Variants in SLC16A7 observed in about 807,000 individuals in gnomAD.
SLC16A7 encodes the protein solute carrier family 16 member 7.
In SLC16A7, 33 loss-of-function variants were observed where a neutral mutation model predicts 34.9. The observed-to-expected ratio is 0.94, with a 90% confidence interval of 0.72 to 1.26. SLC16A7 has a LOEUF of 1.26. Among genes scored for constraint, SLC16A7 ranks in the 50% most tolerant of loss-of-function variants. The pLI, the probability that SLC16A7 is intolerant of heterozygous loss-of-function variation, is 0.00. For synonymous variants in SLC16A7, 201 were observed against 206.6 expected (o/e 0.97, Z 0.23); for missense variants, 573 against 578.1 (o/e 0.99, Z 0.09).
chr12:59,624,513 G>C (rs1256204656), intron 1 of SLC16A7, among the ~76,000 whole-genome samples: 1 of 151,710 alleles, frequency 6.6e-6, no homozygotes, highest in Non-Finnish European at 1.5e-5. Flanking sequence ...GGATTAAGCT[G>C]AATTCCTAGT....
chr12:59,712,168 G>T (rs919052240), intron 3 of SLC16A7, among the ~76,000 whole-genome samples: 2 of 152,164 alleles, frequency 1.3e-5, no homozygotes, highest in Non-Finnish European at 2.9e-5. Context: ...TGTAGTTTTT[G>T]ATTCACTGCA....
At chr12:59,696,833 T>C (rs1872355462) in intron 2 of SLC16A7, among the ~76,000 whole-genome samples, 1 of 151,772 alleles carries the variant, frequency 6.6e-6, no homozygotes, top group African/African-American at 2.4e-5. Context: ...ACAAAATAAG[T>C]AGTAGATAAG....
chr12:59,723,717 ACT>A (rs1159193384), intron 3 of SLC16A7, among the ~76,000 whole-genome samples: 2 of 151,962 alleles, frequency 1.3e-5, no homozygotes, highest in Non-Finnish European at 2.9e-5. Flanking sequence ...TTGCACAATG[ACT>A]CTGTGTGCTA....
Position 59,784,187 on chromosome 12 carries a change from G to A in SLC16A7, c.*4508G>A, listed in dbSNP as rs1414030963. The stretch of plus-strand genomic sequence containing the variant: ...TTTATGAATAAATAATTCCCAGATT[G>A]GTTGCTACATATCATGATTCAAAAA... On this transcript the variant is annotated 3_prime_UTR_variant, in exon 6 of 6. Coordinates refer to ENST00000547379, the MANE Select transcript of SLC16A7 (RefSeq NM_001270623.2). The A allele has an allele frequency of 6.6e-6, 1 of 151,950 alleles. No individual in the cohort carries two copies. The highest frequency in any genetic ancestry group is 1.9e-4 in the East Asian group (1 of 5,178). The allele number at this position is 151,950 out of a possible 1,614,324, so 9.4% of individuals were successfully genotyped here. A position where few individuals can be genotyped will look rare whatever the true frequency, so the allele number is the denominator to read the frequency against.
intron 3 of SLC16A7, among the ~76,000 whole-genome samples, chr12:59,722,617 G>T (rs1046158725): frequency 1.3e-5 from 2 of 151,754 alleles, no homozygotes; most frequent in African/African-American, 4.8e-5. Context: ...TCAGGGAATT[G>T]CACCCATTCT....
rs77512485 is a variant in SLC16A7, at chr12:59,615,369, C to A, written c.-130+19133C>A. 9.7e-3 allele frequency among the ~76,000 whole-genome samples: 1,482 copies of A among 152,020 alleles called. 29 individuals are homozygous for A. The highest frequency in any genetic ancestry group is 0.07 in the East Asian group (363 of 5,176). ...TAGAAATCTGAAAATGAAAAAAAAA[C>A]CACACATCGTTCACCAATTTTTCAG... On this transcript the variant is annotated intron_variant, in intron 1 of 5. Transcript: ENST00000547379.
chr12:59,617,201 A>G (rs1879492444), intron 1 of SLC16A7, among the ~76,000 whole-genome samples: 1 of 152,028 alleles, frequency 6.6e-6, no homozygotes, highest in African/African-American at 2.4e-5. Flanking sequence ...CCTAAATTAG[A>G]GTACATTTGT....
intron 2 of SLC16A7, among the ~76,000 whole-genome samples, chr12:59,681,570 T>C (rs1870753167): frequency 6.6e-6 from 1 of 152,140 alleles, no homozygotes; most frequent in Admixed American, 6.5e-5. Flanking sequence ...CCTGTAATAA[T>C]ATTCCTGTTC....
chr12:59,683,462 C>G (rs1870904956), intron 2 of SLC16A7, among the ~76,000 whole-genome samples: 1 of 151,956 alleles, frequency 6.6e-6, no homozygotes, highest in Admixed American at 6.6e-5. Context: ...GTGAAAAGCA[C>G]ATGAACCATG....
chr12:59,705,032 A>T lies in SLC16A7; in HGVS notation c.217+14A>T. ...TGTACGCAGGAGGTAAGCTTCTTGC[A>T]ATAAATAGAATCCTGAATTAAGAAA... is the stretch of plus-strand genomic sequence containing the variant. On this transcript the variant is annotated intron_variant, in intron 3 of 5. Coordinates refer to ENST00000547379, the MANE Select transcript of SLC16A7 (RefSeq NM_001270623.2). 6.6e-7 allele frequency: 1 copy of T among 1,512,380 alleles called. No homozygotes were observed. Among genetic ancestry groups the T allele is most frequent in the Non-Finnish European group, 9.2e-7 (1 of 1,088,132 alleles). 93.7% of individuals were successfully genotyped at this position (1,512,380 alleles called of 1,614,324 possible).
At chr12:59,671,419 T>C (rs4760299) in intron 2 of SLC16A7, among the ~76,000 whole-genome samples, 76,836 of 151,818 alleles carry the variant, frequency 0.51, 20,712 homozygotes, top group East Asian at 0.71. Flanking sequence ...CTCTTATGTA[T>C]CATGCTGCTA....
chr12:59,636,740 T>C (rs769890662), intron 1 of SLC16A7, among the ~76,000 whole-genome samples: 6 of 152,146 alleles, frequency 3.9e-5, no homozygotes, highest in South Asian at 2.1e-4. Context: ...TTTGGAGATA[T>C]ATGATGAATT....
intron 1 of SLC16A7, among the ~76,000 whole-genome samples, chr12:59,639,993 C>A (rs1404717560): frequency 6.6e-6 from 1 of 152,114 alleles, no homozygotes; most frequent in Non-Finnish European, 1.5e-5. Context: ...TTTGTTAGAA[C>A]AGCTCGCAGA....
intron 3 of SLC16A7, among the ~76,000 whole-genome samples, chr12:59,720,450 C>G (rs111771672): frequency 2.0e-5 from 3 of 152,166 alleles, no homozygotes; most frequent in African/African-American, 7.2e-5. Context: ...TATTTGATGT[C>G]AGACCAAGGA....
At chr12:59,727,539 A>C (rs12823549) in intron 3 of SLC16A7, among the ~76,000 whole-genome samples, 11,604 of 152,152 alleles carry the variant, frequency 0.076, 535 homozygotes, top group Middle Eastern at 0.17. Flanking sequence ...TTTCCAGATA[A>C]ACATCATGAA....
Position 59,774,639 on chromosome 12 carries a change from T to C in SLC16A7, c.362-18T>C. ...AATGTGTTTGTGTTTTCCCCCACTT[T>C]TGTTTTGTTCTTTTTAGGTTTAGGT... On this transcript the variant is annotated intron_variant, in intron 4 of 5. Coordinates refer to ENST00000547379, the MANE Select transcript of SLC16A7 (RefSeq NM_001270623.2). 12 of 1,490,080 alleles carry C rather than the reference T, an allele frequency of 8.1e-6. No homozygotes were observed. Among genetic ancestry groups the C allele is most frequent in the Non-Finnish European group, 1.1e-5 (12 of 1,102,816 alleles). 92.3% of individuals were successfully genotyped at this position (1,490,080 alleles called of 1,614,324 possible).
chr12:59,650,482 A>G (rs1868324042), intron 1 of SLC16A7, among the ~76,000 whole-genome samples: 1 of 152,174 alleles, frequency 6.6e-6, no homozygotes, highest in African/African-American at 2.4e-5. Context: ...TATACCCCTG[A>G]GAACTTGACT....
chr12:59,706,506 C>A (rs1873597348), intron 3 of SLC16A7, among the ~76,000 whole-genome samples: 1 of 152,056 alleles, frequency 6.6e-6, no homozygotes, highest in Admixed American at 6.6e-5. Context: ...CTTCCAGTAT[C>A]AAAAGGTATC....
chr12:59,626,984 C>T (rs1879957160), intron 1 of SLC16A7, among the ~76,000 whole-genome samples: 1 of 151,798 alleles, frequency 6.6e-6, no homozygotes, highest in African/African-American at 2.4e-5. Flanking sequence ...GTCTCCAGAA[C>T]ATGGAGAGAG....
Sources: allele counts gnomAD v4.1 joint callset (sites outside exome capture counted in the v4.1 genomes callset), GRCh38; gene constraint gnomAD v4.1.1; transcripts MANE v1.5; gene names NCBI Gene and HGNC (gene_info 2026-07-23, HGNC 2026-07-21).